The following SH3D19 variants were observed in gnomAD, a reference collection of about 807,000 sequenced individuals.
The protein encoded by SH3D19 is SH3 domain-containing protein 19.
A neutral mutation model predicts 112.1 loss-of-function variants in SH3D19; 58 were observed. The ratio of observed to expected loss-of-function variants is 0.52; its 90% CI spans 0.42 to 0.64. The LOEUF (loss-of-function observed/expected upper bound fraction) is 0.64. SH3D19 is among the 30% of genes least tolerant of loss of function. SH3D19 has a pLI of 0.00. For missense variants in SH3D19, 1,090 were observed against 1,263.4 expected (o/e 0.86, Z 2.08); for synonymous variants, 391 against 448.5 (o/e 0.87, Z 1.62).
chr4:151,139,763 T>G lies in SH3D19; in HGVS notation c.2296+12A>C. The G allele has an allele frequency of 6.2e-7, 1 of 1,613,374 alleles. No individual in the cohort carries two copies. ...TCCTGTGGTTCTCCCACTGCATTATTTACATCCTTACCTGCTGGGAAATCA... is the reference window on the plus strand; with the variant it reads ...TCCTGTGGTTCTCCCACTGCATTATGTACATCCTTACCTGCTGGGAAATCA... On this transcript the variant is annotated intron_variant, in intron 13 of 19. Transcript: ENST00000604030.
chr4:151,152,921 C>T (rs1003432889), intron 9 of SH3D19, among the ~76,000 whole-genome samples: 3 of 151,902 alleles, frequency 2.0e-5, no homozygotes, highest in Non-Finnish European at 4.4e-5. Context: ...CTGCAACCTC[C>T]GCCTCCTGGG....
intron 17 of SH3D19, among the ~76,000 whole-genome samples, chr4:151,128,784 G>A (rs1166733252): frequency 1.3e-5 from 2 of 151,990 alleles, no homozygotes; most frequent in Admixed American, 6.6e-5. Flanking sequence ...GGGACTACAG[G>A]TGCAGCCACC....
At chr4:151,207,478 T>G (rs1400058828) in intron 2 of SH3D19, among the ~76,000 whole-genome samples, 1 of 152,212 alleles carries the variant, frequency 6.6e-6, no homozygotes, top group African/African-American at 2.4e-5. Context: ...AGAAATGCAA[T>G]GAGCTTCCCT....
At chr4:151,232,160 G>T (rs1244061231) in intron 1 of SH3D19, among the ~76,000 whole-genome samples, 1 of 152,160 alleles carries the variant, frequency 6.6e-6, no homozygotes, top group Non-Finnish European at 1.5e-5. Flanking sequence ...CTCCAGCCTG[G>T]GGGATGGAGG....
At chr4:151,277,055 G>C (rs529925270) in intron 1 of SH3D19, 319 of 662,048 alleles carry the variant, frequency 4.8e-4, no homozygotes, top group African/African-American at 4.5e-3. Flanking sequence ...AGGAGAGGAG[G>C]GGGTGAAGCA....
At chr4:151,151,038 G>T (rs930977291) in intron 9 of SH3D19, among the ~76,000 whole-genome samples, 1 of 144,426 alleles carries the variant, frequency 6.9e-6, no homozygotes, top group South Asian at 2.2e-4. Context: ...TCAGCTCAAT[G>T]CAACCTCTGC....
intron 2 of SH3D19, among the ~76,000 whole-genome samples, chr4:151,195,883 C>T: frequency 6.6e-6 from 1 of 150,584 alleles, no homozygotes; most frequent in East Asian, 1.9e-4. Context: ...CCAGTTACAC[C>T]CTACTTAACA....
At chr4:151,130,222 G>A (rs530603973) in intron 17 of SH3D19, among the ~76,000 whole-genome samples, 258 of 152,184 alleles carry the variant, frequency 1.7e-3, no homozygotes, top group Admixed American at 3.1e-3. Context: ...CAGGTGGAGC[G>A]CTTGAGCCCA....
chr4:151,180,410 T>C (rs1244088084), intron 3 of SH3D19, among the ~76,000 whole-genome samples: 5 of 86,830 alleles, frequency 5.8e-5, no homozygotes, highest in Admixed American at 1.6e-4. Context: ...CATTTTTTTT[T>C]CTTTTTTTTT....
chr4:151,237,216 A>T (rs1770158809), intron 1 of SH3D19, among the ~76,000 whole-genome samples: 1 of 152,238 alleles, frequency 6.6e-6, no homozygotes, highest in South Asian at 2.1e-4. Context: ...ACTCACCGCG[A>T]GGGTCTGTGG....
chr4:151,292,084 T>C (rs11730707), intron 1 of SH3D19, among the ~76,000 whole-genome samples: 51,530 of 152,088 alleles, frequency 0.34, 9,976 homozygotes, highest in Non-Finnish European at 0.45. Context: ...CAAGGATCAC[T>C]TGTGGCCAGG....
chr4:151,208,819 A>G (rs1278835731), intron 2 of SH3D19, among the ~76,000 whole-genome samples: 1 of 151,802 alleles, frequency 6.6e-6, no homozygotes, highest in African/African-American at 2.4e-5. Flanking sequence ...CTGGGACTAC[A>G]GGCGCCCACC....
At chr4:151,222,811 T>C (rs1425362454) in intron 2 of SH3D19, among the ~76,000 whole-genome samples, 1 of 151,910 alleles carries the variant, frequency 6.6e-6, no homozygotes, top group Admixed American at 6.6e-5. Flanking sequence ...TAGCTGGGAT[T>C]ACAGGCATGC....
chr4:151,125,856 A>C (rs1328393031), intron 19 of SH3D19, among the ~76,000 whole-genome samples: 16 of 151,674 alleles, frequency 1.1e-4, no homozygotes. Flanking sequence ...AAAAAAAAAA[A>C]AAAAAAAAAA....
chr4:151,191,111 T>A (rs1762554083), intron 2 of SH3D19, among the ~76,000 whole-genome samples: 2 of 152,218 alleles, frequency 1.3e-5, no homozygotes, highest in South Asian at 4.1e-4. Context: ...CAGACTTGCA[T>A]GGGGACTGTA....
rs750554581 is a variant in SH3D19, at chr4:151,147,902, T to C, written c.2082+20A>G. Reference sequence around the variant, plus strand: ...AGGGCACACCTCTTGACCACAAACATTTTTAAAAGCTAAATTTACCATGTA... The same window carrying C: ...AGGGCACACCTCTTGACCACAAACACTTTTAAAAGCTAAATTTACCATGTA... On this transcript the variant is annotated intron_variant, in intron 11 of 19. Transcript: ENST00000604030. The C allele has an allele frequency of 1.3e-6, 2 of 1,577,286 alleles. No homozygotes were observed. Among genetic ancestry groups the C allele is most frequent in the South Asian group, 2.4e-5 (2 of 84,240 alleles).
chr4:151,269,601 T>C (rs1773087007), intron 1 of SH3D19, among the ~76,000 whole-genome samples: 2 of 152,144 alleles, frequency 1.3e-5, no homozygotes, highest in Admixed American at 1.3e-4. Context: ...CTTTAATCCA[T>C]CTAAGTGTAT....
At chr4:151,201,266 C>T (rs1764353189) in intron 2 of SH3D19, among the ~76,000 whole-genome samples, 1 of 152,150 alleles carries the variant, frequency 6.6e-6, no homozygotes, top group Admixed American at 6.6e-5. Context: ...TGAAAATCCC[C>T]CAGAATCCTG....
intron 1 of SH3D19, among the ~76,000 whole-genome samples, chr4:151,250,408 G>A (rs1023355830): frequency 1.3e-5 from 2 of 151,834 alleles, no homozygotes; most frequent in Non-Finnish European, 2.9e-5. Context: ...TTCCTGTGAT[G>A]AAAATATATA....
Sources: allele counts gnomAD v4.1 joint callset (sites outside exome capture counted in the v4.1 genomes callset), GRCh38; gene constraint gnomAD v4.1.1; transcripts MANE v1.5; gene names NCBI Gene and HGNC (gene_info 2026-07-23, HGNC 2026-07-21).